The following MEI4 variants were observed in gnomAD, a reference collection of about 807,000 sequenced individuals.
MEI4 encodes meiosis-specific protein MEI4.
In MEI4, 27 loss-of-function variants were observed where a neutral mutation model predicts 31.4. The observed-to-expected ratio is 0.86, with a 90% CI of 0.63 to 1.19. The LOEUF is 1.19. Ranked by LOEUF, MEI4 falls within the 50% of genes most tolerant of loss-of-function variation. The pLI is 0.00. For missense variants in MEI4, 329 were observed against 398.9 expected, an observed-to-expected ratio of 0.82 and a Z score of 1.49; for synonymous variants, 122 against 145.4, an observed-to-expected ratio of 0.84 and a Z score of 1.16.
intron 3 of MEI4, among the ~76,000 whole-genome samples, chr6:77,788,994 C>G (rs1234389175): frequency 6.6e-6 from 1 of 152,156 alleles, no homozygotes; most frequent in Non-Finnish European, 1.5e-5. Context: ...CACTACCTGA[C>G]TTCAAACTAT....
At chr6:77,698,158 G>T (rs1028160613) in intron 2 of MEI4, among the ~76,000 whole-genome samples, 1 of 152,108 alleles carries the variant, frequency 6.6e-6, no homozygotes, top group African/African-American at 2.4e-5. Context: ...GCCCATGTGT[G>T]TCTCTGCATG....
intron 4 of MEI4, among the ~76,000 whole-genome samples, chr6:77,873,017 T>G (rs9352537): frequency 0.048 from 7,251 of 151,720 alleles, 449 homozygotes; most frequent in African/African-American, 0.14. Flanking sequence ...TCTTTGCTAT[T>G]GTGAATAGTG....
intron 2 of MEI4, among the ~76,000 whole-genome samples, chr6:77,719,345 C>T (rs1220776556): frequency 5.2e-5 from 7 of 135,878 alleles, no homozygotes; most frequent in East Asian, 4.2e-4. Context: ...ATAATTTACC[C>T]GTGGCCTGAG....
intron 3 of MEI4, among the ~76,000 whole-genome samples, chr6:77,797,779 G>C (rs1369738059): frequency 6.6e-6 from 1 of 152,102 alleles, no homozygotes; most frequent in East Asian, 1.9e-4. Flanking sequence ...TAGCTGACTG[G>C]ATGGTGCCCA....
chr6:77,889,745 A>G (rs1771712283), intron 4 of MEI4, among the ~76,000 whole-genome samples: 2 of 152,152 alleles, frequency 1.3e-5, no homozygotes, highest in South Asian at 4.1e-4. Flanking sequence ...GAAGAGAAAA[A>G]TGGTTTTGTG....
intron 2 of MEI4, among the ~76,000 whole-genome samples, chr6:77,698,914 G>A (rs1190128911): frequency 6.6e-6 from 1 of 152,138 alleles, no homozygotes; most frequent in Non-Finnish European, 1.5e-5. Flanking sequence ...CCAATCAGAC[G>A]TAGATTTGGT....
At chr6:77,716,215 A>G (rs1766579485) in intron 2 of MEI4, among the ~76,000 whole-genome samples, 2 of 152,200 alleles carry the variant, frequency 1.3e-5, no homozygotes, top group East Asian at 3.9e-4. Context: ...TTACAGGGGA[A>G]TCAGATCAGA....
chr6:77,695,355 T>G (rs1765998713), intron 2 of MEI4, among the ~76,000 whole-genome samples: 1 of 148,000 alleles, frequency 6.8e-6, no homozygotes, highest in Non-Finnish European at 1.5e-5. Context: ...ATGTCCTGAA[T>G]GGTATTGCCT....
intron 4 of MEI4, among the ~76,000 whole-genome samples, chr6:77,863,422 A>G (rs552535146): frequency 4.4e-4 from 67 of 152,302 alleles, no homozygotes; most frequent in African/African-American, 1.6e-3. Flanking sequence ...AGGCACGGGA[A>G]CTACGTGACA....
At chr6:77,874,182 T>A (rs1771271357) in intron 4 of MEI4, among the ~76,000 whole-genome samples, 1 of 152,150 alleles carries the variant, frequency 6.6e-6, no homozygotes, top group Admixed American at 6.6e-5. Flanking sequence ...TTGAATCTAT[T>A]AATTACCTTG....
chr6:77,711,437 C>G (rs373813683), intron 2 of MEI4, among the ~76,000 whole-genome samples: 1 of 151,858 alleles, frequency 6.6e-6, no homozygotes, highest in Non-Finnish European at 1.5e-5. Context: ...TTTATAAAGC[C>G]GGAAAGAGAA....
intron 3 of MEI4, among the ~76,000 whole-genome samples, chr6:77,771,906 A>G (rs537754823): frequency 6.6e-6 from 1 of 152,170 alleles, no homozygotes; most frequent in East Asian, 1.9e-4. Flanking sequence ...TACTTATATA[A>G]CAAACCTGCA....
At chr6:77,687,388 G>T (rs375071312) in intron 1 of MEI4, among the ~76,000 whole-genome samples, 1 of 152,132 alleles carries the variant, frequency 6.6e-6, no homozygotes, top group Admixed American at 6.6e-5. Context: ...GTGAAACAGA[G>T]AATATATTTA....
chr6:77,879,678 T>C (rs1200212325), intron 4 of MEI4, among the ~76,000 whole-genome samples: 1 of 152,214 alleles, frequency 6.6e-6, no homozygotes, highest in Non-Finnish European at 1.5e-5. Context: ...CAGTGACCTT[T>C]GTGGCCATCT....
intron 4 of MEI4, among the ~76,000 whole-genome samples, chr6:77,831,653 G>T (rs949843569): frequency 6.6e-6 from 1 of 151,806 alleles, no homozygotes; most frequent in South Asian, 2.1e-4. Context: ...AATAGGCCAA[G>T]CATAGAAAAA....
intron 2 of MEI4, among the ~76,000 whole-genome samples, chr6:77,697,095 G>T (rs1469205918): frequency 1.3e-5 from 2 of 152,190 alleles, no homozygotes; most frequent in Non-Finnish European, 2.9e-5. Context: ...TTGTATTTCT[G>T]TGTGATCGGT....
At chr6:77,656,012 G>A (rs1028443439) in intron 1 of MEI4, among the ~76,000 whole-genome samples, 1 of 152,090 alleles carries the variant, frequency 6.6e-6, no homozygotes, top group Admixed American at 6.5e-5. Context: ...TTTTTAACAG[G>A]CTTTCAAAAT....
At chr6:77,784,224 C>G (rs1380592657) in intron 3 of MEI4, among the ~76,000 whole-genome samples, 1 of 152,132 alleles carries the variant, frequency 6.6e-6, no homozygotes, top group East Asian at 1.9e-4. Context: ...AGAATAAATA[C>G]ACACACCAAT....
intron 2 of MEI4, among the ~76,000 whole-genome samples, chr6:77,707,949 T>C (rs554919978): frequency 6.6e-6 from 1 of 152,312 alleles, no homozygotes; most frequent in South Asian, 2.1e-4. Context: ...AAAGCTTGGG[T>C]ACCCAGCCAG....
Sources: gnomAD v4.1 joint callset for allele counts (sites outside exome capture counted in the v4.1 genomes callset) on GRCh38, gnomAD v4.1.1 for gene constraint, MANE v1.5 for transcripts, NCBI Gene and HGNC (gene_info 2026-07-23, HGNC 2026-07-21) for gene names.